The following NDE1 variants were observed in gnomAD, a reference collection of about 807,000 sequenced individuals.
NDE1 encodes nuclear distribution protein nudE homolog 1.
In NDE1, 28 loss-of-function variants were observed where a neutral mutation model predicts 43.4. That is an observed-to-expected ratio of 0.65 (90% CI 0.48 to 0.89). The LOEUF (loss-of-function observed/expected upper bound fraction) is 0.89. Ranked by LOEUF, NDE1 falls within the 40% of genes least tolerant of loss-of-function variation. The pLI, the probability that NDE1 is intolerant of heterozygous loss-of-function variation, is 0.00. For synonymous variants in NDE1, 184 were observed against 172.0 expected (o/e 1.07, Z -0.55); for missense variants, 441 against 434.1 (o/e 1.02, Z -0.14).
At chr16:15,648,906 G>T (rs781476595), upstream of NDE1, among the ~76,000 whole-genome samples, 2 of 151,886 alleles carry the variant, frequency 1.3e-5, no homozygotes, top group African/African-American at 4.8e-5. Flanking sequence ...TAAAAATCAC[G>T]ATCTTCAGGC....
chr16:15,691,921 G>A (rs2038773628), intron 6 of NDE1, among the ~76,000 whole-genome samples: 2 of 151,798 alleles, frequency 1.3e-5, no homozygotes, highest in Non-Finnish European at 2.9e-5. Flanking sequence ...GTGAGCCACC[G>A]CGCCTGGTCA....
chr16:15,680,508 T>C (rs2038121280), intron 4 of NDE1, among the ~76,000 whole-genome samples: 1 of 152,182 alleles, frequency 6.6e-6, no homozygotes, highest in Non-Finnish European at 1.5e-5. Flanking sequence ...TGGAAATTCC[T>C]TTCTTGTCAA....
chr16:15,687,208 C>T lies in NDE1; in HGVS notation c.387-167C>T, dbSNP rs777429663. On this transcript the variant is annotated intron_variant, in intron 4 of 8. Coordinates refer to ENST00000396354, the MANE Select transcript of NDE1 (RefSeq NM_017668.3). ...GAGTCCCATTCTGCAGGTAAAGAGC[C>T]CATGCCCCAGAAGGTTAAGGGACTT... 73 of 1,528,162 alleles carry T rather than the reference C, an allele frequency of 4.8e-5. 1 individual carries two copies. In the Middle Eastern group the frequency reaches 1.5e-3, roughly 32 times the overall value. The allele number at this position is 1,528,162 out of a possible 1,614,324, so 94.7% of individuals were successfully genotyped here.
At chr16:15,719,262 T>C in intron 8 of NDE1, 1 of 1,613,440 alleles carries the variant, frequency 6.2e-7, no homozygotes, top group Non-Finnish European at 8.5e-7. Flanking sequence ...CAGTTCCTCC[T>C]TCTCGAGGTC....
chr16:15,683,878 C>T (rs1320566028), intron 4 of NDE1, among the ~76,000 whole-genome samples: 8 of 151,922 alleles, frequency 5.3e-5, no homozygotes, highest in Admixed American at 3.3e-4. Context: ...AATATAAAAA[C>T]TAGCCGGCTA....
exon 1 of NDE1, chr16:15,643,522 G>A: frequency 2.7e-6 from 1 of 370,736 alleles, no homozygotes; most frequent in Non-Finnish European, 5.2e-6. Context: ...AGGCTTTGGA[G>A]GGAAGGCGAT....
At chr16:15,699,689 A>C (rs1317325408) in intron 8 of NDE1, 1 of 1,336,126 alleles carries the variant, frequency 7.5e-7, no homozygotes, top group African/African-American at 1.5e-5. Flanking sequence ...AGTTTGTCAC[A>C]GCTGTTATGT....
intron 8 of NDE1, chr16:15,720,071 G>T: frequency 6.3e-7 from 1 of 1,586,734 alleles, no homozygotes; most frequent in Non-Finnish European, 8.7e-7. Context: ...GCTTCCTGGA[G>T]CCCGCTCTGC....
chr16:15,695,711 A>C (rs2038979173), intron 7 of NDE1: 1 of 985,084 alleles, frequency 1.0e-6, no homozygotes, highest in Non-Finnish European at 1.2e-6. Context: ...ACTTAATAGA[A>C]GCTTGCAACT....
At chr16:15,652,804 A>G (rs1257384044) in intron 1 of NDE1, among the ~76,000 whole-genome samples, 1 of 151,948 alleles carries the variant, frequency 6.6e-6, no homozygotes, top group Non-Finnish European at 1.5e-5. Flanking sequence ...GCTGGGACTA[A>G]AAGCACATGC....
At chr16:15,664,347 A>C (rs1567624336) in intron 1 of NDE1, among the ~76,000 whole-genome samples, 1 of 151,970 alleles carries the variant, frequency 6.6e-6, no homozygotes, top group Non-Finnish European at 1.5e-5. Flanking sequence ...AACCCAGCAT[A>C]AAGTTTATTT....
In NDE1 at chr16:15,725,769, A is replaced by T. The variant is rs956219349; in HGVS notation, c.*1518A>T. On this transcript the variant is annotated 3_prime_UTR_variant, in exon 9 of 9. Coordinates refer to ENST00000396354, the MANE Select transcript of NDE1 (RefSeq NM_017668.3). ...CTTTGGCCACGTCCCCATGAGTGGC[A>T]AGGCAGGGTAAATGGCTATGCCAAG... The T allele has an allele frequency of 2.5e-6, 1 of 398,650 alleles. No individual in the cohort carries two copies. The highest frequency in any genetic ancestry group is 4.4e-6 in the Non-Finnish European group (1 of 226,180). 24.7% of individuals were successfully genotyped at this position (398,650 alleles called of 1,614,324 possible). A position where few individuals can be genotyped will look rare whatever the true frequency, so the allele number is the denominator to read the frequency against.
intron 4 of NDE1, chr16:15,686,369 T>C (rs1292272450): frequency 3.7e-5 from 36 of 985,242 alleles, no homozygotes; most frequent in Admixed American, 6.1e-5. Context: ...CCCAGAATTA[T>C]AACAGATTGT....
At position 15,717,324 on chromosome 16, in the gene NDE1, C is replaced by T; in HGVS notation, c.948-6867C>T. On this transcript the variant is annotated intron_variant, in intron 8 of 8. Coordinates refer to ENST00000396354, the MANE Select transcript of NDE1 (RefSeq NM_017668.3). ...TTCTGGGCCGTGCTGCGCTCTGTGG[C>T]CAGCTCGTTGCTGAGCTGCTCGGCC... 1 of 1,610,004 alleles carries T rather than the reference C, an allele frequency of 6.2e-7. No homozygotes were observed. The highest frequency in any genetic ancestry group is 8.5e-7 in the Non-Finnish European group (1 of 1,180,018).
chr16:15,660,970 C>T (rs1216701696), intron 1 of NDE1, among the ~76,000 whole-genome samples: 8 of 151,954 alleles, frequency 5.3e-5, no homozygotes, highest in Non-Finnish European at 1.2e-4. Context: ...TCCATGGTCA[C>T]GAGGAAAAGA....
chr16:15,687,232 T>G (rs1288031923), intron 4 of NDE1, 143 bp from the exon 5 acceptor site: 2 of 1,558,166 alleles, frequency 1.3e-6, no homozygotes, highest in Admixed American at 1.9e-5. Flanking sequence ...GTTAAGGGAC[T>G]TGGCCCACTC....
intron 8 of NDE1, chr16:15,717,032 C>T: frequency 8.2e-7 from 1 of 1,223,762 alleles, no homozygotes; most frequent in Admixed American, 1.7e-5. Flanking sequence ...ACAGAGCTTG[C>T]TTCTTACAAG....
intron 6 of NDE1, among the ~76,000 whole-genome samples, chr16:15,691,646 G>GT (rs1341505713): frequency 5.4e-5 from 4 of 73,894 alleles, no homozygotes; most frequent in African/African-American, 2.5e-4. Flanking sequence ...TTTTTTGTTG[G>GT]GTTTTTTTTT....
At chr16:15,675,034 G>A (rs1258384499) in intron 3 of NDE1, among the ~76,000 whole-genome samples, 2 of 152,130 alleles carry the variant, frequency 1.3e-5, no homozygotes, top group Non-Finnish European at 2.9e-5. Context: ...TGGGCAGAAT[G>A]ATTTGTCTGA....
Sources: gnomAD v4.1 joint callset for allele counts (sites outside exome capture counted in the v4.1 genomes callset) on GRCh38, gnomAD v4.1.1 for gene constraint, MANE v1.5 for transcripts, NCBI Gene and HGNC (gene_info 2026-07-23, HGNC 2026-07-21) for gene names.